TPH2: variants seen among roughly 807,000 people sequenced by gnomAD.
TPH2 encodes tryptophan 5-hydroxylase 2.
TPH2 carries 27 observed loss-of-function variants against 59.1 expected under a neutral mutation model. That is an observed-to-expected ratio of 0.46 (90% CI 0.34 to 0.63). The LOEUF (loss-of-function observed/expected upper bound fraction) is 0.63. TPH2 is among the 30% of genes least tolerant of loss of function. TPH2 has a pLI of 0.01. For missense variants in TPH2, 523 were observed against 588.3 expected (o/e 0.89, Z 1.15); for synonymous variants, 220 against 210.5 (o/e 1.05, Z -0.39).
At position 72,031,502 on chromosome 12, in the gene TPH2, A is replaced by T; in HGVS notation, c.1299-19A>T. On this transcript the variant is annotated intron_variant, in intron 10 of 10. Coordinates refer to ENST00000333850, the MANE Select transcript of TPH2 (RefSeq NM_173353.4). ...ATGAGGGTTGATCACATCTCTTTCT[A>T]CTTCTGTTTATTCTGCAGGGACTTT... is the stretch of plus-strand genomic sequence containing the variant. The T allele has an allele frequency of 1.2e-6, 2 of 1,613,208 alleles. No homozygotes were observed. The highest frequency in any genetic ancestry group is 1.7e-6 in the Non-Finnish European group (2 of 1,179,522).
intron 8 of TPH2, among the ~76,000 whole-genome samples, chr12:72,016,927 A>G (rs1347472465): frequency 2.6e-5 from 4 of 152,126 alleles, no homozygotes; most frequent in Admixed American, 6.5e-5. Flanking sequence ...AATTATTTCA[A>G]GGAGGGATGC....
intron 8 of TPH2, among the ~76,000 whole-genome samples, chr12:71,996,292 G>A (rs920330530): frequency 6.6e-6 from 1 of 152,214 alleles, no homozygotes; most frequent in Non-Finnish European, 1.5e-5. Flanking sequence ...AAGCTGTGAT[G>A]TCTTTTGTGG....
chr12:71,990,493 A>G (rs1032197715), intron 7 of TPH2, among the ~76,000 whole-genome samples: 1 of 152,206 alleles, frequency 6.6e-6, no homozygotes, highest in Non-Finnish European at 1.5e-5. Flanking sequence ...TTCAGCTTCT[A>G]AGTCCTCTGC....
At position 71,990,156 on chromosome 12, in the gene TPH2, G is replaced by A. The variant is rs114874670; in HGVS notation, c.942-4283G>A. Among the ~76,000 whole-genome samples, 1,027 of 152,260 alleles carry A rather than the reference G, an allele frequency of 6.7e-3. 13 individuals are homozygous for A. Among genetic ancestry groups the A allele is most frequent in the African/African-American group, 0.024 (985 of 41,534 alleles). ...TTGGAGGCAGCATGTACTGACAGGT[G>A]CAATTATGGCCAAATAATTGAATCT... On this transcript the variant is annotated intron_variant, in intron 7 of 10. Transcript: ENST00000333850.
intron 9 of TPH2, among the ~76,000 whole-genome samples, chr12:72,028,259 A>T (rs1478448287): frequency 6.6e-6 from 1 of 152,214 alleles, no homozygotes; most frequent in African/African-American, 2.4e-5. Context: ...ATTTCAAGAC[A>T]GAATCACTGC....
chr12:71,968,899 C>G (rs763718982), intron 5 of TPH2, among the ~76,000 whole-genome samples: 2 of 150,886 alleles, frequency 1.3e-5, no homozygotes, highest in Non-Finnish European at 3.0e-5. Context: ...GGAGTCCTTA[C>G]GTAACTTTAG....
At position 72,002,779 on chromosome 12, in the gene TPH2, G is replaced by A. The variant is rs183896591; in HGVS notation, c.1068+8214G>A. 4.0e-5 allele frequency among the ~76,000 whole-genome samples: 6 copies of A among 150,260 alleles called. No individual in the cohort carries two copies. The East Asian group carries it at 1.2e-3, about 29-fold the overall frequency. On this transcript the variant is annotated intron_variant, in intron 8 of 10. Transcript: ENST00000333850. ...TTACTTTTTTTTTTTTTGCAGGAAA[G>A]AAGTGTCAGGAAATTAATAATACAG...
chr12:71,961,347 G>T (rs1049800610), intron 5 of TPH2, among the ~76,000 whole-genome samples: 1 of 152,168 alleles, frequency 6.6e-6, no homozygotes, highest in Non-Finnish European at 1.5e-5. Flanking sequence ...TATTGTTATT[G>T]TCACAGTGAA....
intron 2 of TPH2, among the ~76,000 whole-genome samples, chr12:71,943,994 A>T (rs1248407399): frequency 6.6e-6 from 1 of 152,084 alleles, no homozygotes; most frequent in Non-Finnish European, 1.5e-5. Context: ...CACCTGTGGG[A>T]TGTGTACCAC....
intron 8 of TPH2, among the ~76,000 whole-genome samples, chr12:72,013,319 T>C (rs1873150010): frequency 6.6e-6 from 1 of 152,206 alleles, no homozygotes; most frequent in Non-Finnish European, 1.5e-5. Context: ...CCACATGTTT[T>C]TCCCTCTCTT....
In TPH2 at chr12:72,013,499, A is replaced by G. The variant is rs1299511316; in HGVS notation, c.1069-8900A>G. ...ATACCTCAGGCCAGTGTCCTAGACC[A>G]TTTACTTTTTCCAATAACTTCTCTT... On this transcript the variant is annotated intron_variant, in intron 8 of 10. Coordinates refer to ENST00000333850, the MANE Select transcript of TPH2 (RefSeq NM_173353.4). Among the ~76,000 whole-genome samples, 7 of 152,202 alleles carry G rather than the reference A, an allele frequency of 4.6e-5. No homozygotes were observed. The South Asian group carries it at 1.5e-3, about 32-fold the overall frequency.
chr12:72,008,703 A>C (rs575126242), intron 8 of TPH2, among the ~76,000 whole-genome samples: 1 of 152,278 alleles, frequency 6.6e-6, no homozygotes, highest in East Asian at 1.9e-4. Flanking sequence ...CATAATGCAG[A>C]ATAATGGCAG....
At chr12:72,007,003 G>A (rs951067007) in intron 8 of TPH2, among the ~76,000 whole-genome samples, 1 of 152,054 alleles carries the variant, frequency 6.6e-6, no homozygotes, top group East Asian at 1.9e-4. Flanking sequence ...TCCAGGAAAG[G>A]CCCCTGGAGA....
At chr12:71,941,973 GC>G (rs1485458929) in intron 2 of TPH2, among the ~76,000 whole-genome samples, 2 of 152,138 alleles carry the variant, frequency 1.3e-5, no homozygotes, top group Non-Finnish European at 1.5e-5. Context: ...GAAGACTATT[GC>G]CAGGTTAGGA....
intron 8 of TPH2, among the ~76,000 whole-genome samples, chr12:72,017,391 A>C (rs1244923664): frequency 1.3e-5 from 2 of 152,200 alleles, no homozygotes; most frequent in Non-Finnish European, 2.9e-5. Context: ...TGCCTCTGCT[A>C]TTCTTCCATA....
chr12:71,957,698 AG>A (rs1871550320), intron 5 of TPH2, among the ~76,000 whole-genome samples: 1 of 152,222 alleles, frequency 6.6e-6, no homozygotes, highest in Admixed American at 6.5e-5. Flanking sequence ...GCTGGGTTAA[AG>A]GAACTTTTAA....
Position 71,944,454 on chromosome 12 carries a change from A to G in TPH2, c.416A>G (p.Glu139Gly). The G allele has an allele frequency of 6.2e-7, 1 of 1,614,002 alleles. No individual in the cohort carries two copies. Among genetic ancestry groups the G allele is most frequent in the Non-Finnish European group, 8.5e-7 (1 of 1,179,880 alleles). The stretch of plus-strand genomic sequence containing the variant: ...ACTATTGTGACGCTGAATCCTCCAG[A>G]GAACATTTGGACAGAGGAAGAAGGC... ...QTTIVTLNPP[E>G]NIWTEEEELE... The change falls in exon 3 of 11, where the codon GAG becomes GGG. Residue 139 changes from glutamate (E) to glycine (G), a missense_variant. Glu to Gly is a moderately conservative substitution (Grantham distance 98). Transcript: ENST00000333850.
intron 7 of TPH2, among the ~76,000 whole-genome samples, chr12:71,991,471 A>G (rs555970363): frequency 1.3e-5 from 2 of 152,290 alleles, no homozygotes; most frequent in South Asian, 4.1e-4. Flanking sequence ...CAATGAGAGA[A>G]TACTCATCAT....
intron 7 of TPH2, among the ~76,000 whole-genome samples, chr12:71,980,799 A>T (rs1838014399): frequency 6.6e-6 from 1 of 152,190 alleles, no homozygotes; most frequent in South Asian, 2.1e-4. Context: ...AAGAAATGAG[A>T]TTTTAGCCAC....
Sources: allele counts gnomAD v4.1 joint callset (sites outside exome capture counted in the v4.1 genomes callset), GRCh38; gene constraint gnomAD v4.1.1; transcripts MANE v1.5; gene names NCBI Gene and HGNC (gene_info 2026-07-23, HGNC 2026-07-21).